Variants in NRCAM observed in about 807,000 individuals in gnomAD.
The protein encoded by NRCAM is NgCAM-related cell adhesion molecule.
Under a neutral mutation model 156.5 loss-of-function variants are expected in NRCAM, and 83 were observed. The ratio of observed to expected loss-of-function variants is 0.53; its 90% CI spans 0.44 to 0.64. The LOEUF (loss-of-function observed/expected upper bound fraction) is 0.64, where lower values mean the gene tolerates loss of function less well. Among genes scored for constraint, NRCAM ranks in the 30% least tolerant of loss-of-function variants. The pLI, the probability that NRCAM is intolerant of heterozygous loss-of-function variation, is 0.00. For synonymous variants in NRCAM, 538 were observed against 563.9 expected, an observed-to-expected ratio of 0.95 and a Z score of 0.65; for missense variants, 1,417 against 1,597.3, an observed-to-expected ratio of 0.89 and a Z score of 1.92.
At chr7:108,176,404 A>G (rs1222425145) in intron 27 of NRCAM, 26 bp downstream of exon 27, 4 of 1,589,110 alleles carry the variant, frequency 2.5e-6, no homozygotes, top group South Asian at 2.2e-5. Context: ...TTATAATTAT[A>G]TGGATTTTAT....
At chr7:108,415,000 G>A (rs1486083552) in intron 1 of NRCAM, among the ~76,000 whole-genome samples, 1 of 152,128 alleles carries the variant, frequency 6.6e-6, no homozygotes, top group African/African-American at 2.4e-5. Flanking sequence ...GGGTTTGGAG[G>A]TGAAGGGCAT....
At chr7:108,177,456 T>C (rs2061046322) in intron 26 of NRCAM, among the ~76,000 whole-genome samples, 1 of 152,000 alleles carries the variant, frequency 6.6e-6, no homozygotes, top group South Asian at 2.1e-4. Flanking sequence ...ACCCCGTCTC[T>C]ACTAAAAATA....
chr7:108,273,884 T>C (rs2097482072), intron 3 of NRCAM, among the ~76,000 whole-genome samples: 1 of 152,238 alleles, frequency 6.6e-6, no homozygotes, highest in African/African-American at 2.4e-5. Flanking sequence ...GGGCCTAACA[T>C]TTAAATCTTT....
At chr7:108,171,690 T>C (rs112500260) in intron 28 of NRCAM, among the ~76,000 whole-genome samples, 1 of 152,104 alleles carries the variant, frequency 6.6e-6, no homozygotes, top group Non-Finnish European at 1.5e-5. Flanking sequence ...TAGTTTAGCG[T>C]CAATTTATTA....
At chr7:108,319,847 G>A (rs1332369572) in intron 2 of NRCAM, among the ~76,000 whole-genome samples, 1 of 152,222 alleles carries the variant, frequency 6.6e-6, no homozygotes, top group Non-Finnish European at 1.5e-5. Context: ...GGCTGACAAA[G>A]CAGACAGAGG....
intron 2 of NRCAM, among the ~76,000 whole-genome samples, chr7:108,391,713 C>A (rs564999046): frequency 6.6e-6 from 1 of 152,084 alleles, no homozygotes; most frequent in Non-Finnish European, 1.5e-5. Context: ...TGGCTGGTGC[C>A]GGTTATTCCT....
intron 14 of NRCAM, among the ~76,000 whole-genome samples, chr7:108,196,552 A>G (rs1480102163): frequency 6.6e-6 from 1 of 152,238 alleles, no homozygotes; most frequent in Non-Finnish European, 1.5e-5. Context: ...AAAAGAAGAT[A>G]TACAAACAGC....
intron 3 of NRCAM, among the ~76,000 whole-genome samples, chr7:108,309,866 T>G (rs909417632): frequency 3.3e-5 from 5 of 152,160 alleles, no homozygotes; most frequent in Admixed American, 2.6e-4. Flanking sequence ...AAGAAAGAAA[T>G]AAATTAAATA....
At chr7:108,452,636 T>C (rs747739701) in intron 1 of NRCAM, among the ~76,000 whole-genome samples, 1 of 152,218 alleles carries the variant, frequency 6.6e-6, no homozygotes, top group African/African-American at 2.4e-5. Context: ...TAAATGTATT[T>C]AGTAATTTTC....
rs1046563206 is a variant in NRCAM at position 108,406,783 on chromosome 7, T to C, written c.-331-7190A>G. Among the ~76,000 whole-genome samples the C allele has an allele frequency of 3.9e-5, 6 of 152,354 alleles. No individual in the cohort carries two copies. In the South Asian group the frequency reaches 1.2e-3, roughly 32 times the overall value. ...GAAAAGCAACTGAACTTGTTCCAAC[T>C]TGAGCAGGAGTTTGTTTATTTTGCT... On this transcript the variant is annotated intron_variant, in intron 1 of 32. Coordinates refer to ENST00000379028, the MANE Select transcript of NRCAM (RefSeq NM_001037132.4).
chr7:108,173,281 C>T (rs1488246628), intron 28 of NRCAM, among the ~76,000 whole-genome samples: 5 of 152,090 alleles, frequency 3.3e-5, no homozygotes, highest in Non-Finnish European at 7.4e-5. Flanking sequence ...CCACCACGCC[C>T]GGCCATATTG....
chr7:108,278,311 T>C (rs796893403), intron 3 of NRCAM, among the ~76,000 whole-genome samples: 40 of 152,324 alleles, frequency 2.6e-4, no homozygotes, highest in African/African-American at 8.9e-4. Context: ...AGAAGTCGTC[T>C]GCTGCCTTTT....
chr7:108,420,039 C>CGTGTGTGTGTGTGTGTGTGT (rs35840496), intron 1 of NRCAM, among the ~76,000 whole-genome samples: 4 of 146,640 alleles, frequency 2.7e-5, no homozygotes, highest in African/African-American at 1.0e-4. Flanking sequence ...TTAGTTCCAT[C>CGTGTGTGTGTGTGTGTGTGT]GTGTGTGTGT....
rs186289808 is a variant in NRCAM, at chr7:108,181,448, A to G, written c.2646+374T>C. Among the ~76,000 whole-genome samples, 341 of 152,338 alleles carry G rather than the reference A, an allele frequency of 2.2e-3. 2 individuals are homozygous for G. Among genetic ancestry groups the G allele is most frequent in the African/African-American group, 7.7e-3 (322 of 41,572 alleles). ...ATTCTGAATTATTTTAAAAATGCCT[A>G]AATGATTATCAGGATAATTTTGTGT... On this transcript the variant is annotated intron_variant, in intron 24 of 32. Transcript: ENST00000379028.
At chr7:108,166,187 T>C (rs748330103) in intron 30 of NRCAM, among the ~76,000 whole-genome samples, 1 of 152,132 alleles carries the variant, frequency 6.6e-6, no homozygotes, top group African/African-American at 2.4e-5. Context: ...CTAAGCTGAC[T>C]GCAGGGTTCT....
chr7:108,182,242 G>A (rs4730295), intron 23 of NRCAM, among the ~76,000 whole-genome samples: 103,241 of 151,922 alleles, frequency 0.68, 37,149 homozygotes, highest in East Asian at 0.96. Context: ...TGAACAACAC[G>A]GGTTTGAACT....
intron 25 of NRCAM, 108 bp from the exon 26 acceptor site, chr7:108,178,220 C>T (rs2061693481): frequency 1.8e-6 from 2 of 1,125,156 alleles, no homozygotes; most frequent in Admixed American, 2.4e-5. Context: ...GTTTCAGTAA[C>T]TCATTCCTGA....
intron 13 of NRCAM, among the ~76,000 whole-genome samples, chr7:108,202,338 G>A (rs138646240): frequency 9.9e-5 from 15 of 152,208 alleles, no homozygotes; most frequent in African/African-American, 2.6e-4. Flanking sequence ...AACAGAGTAC[G>A]ATCAATCTTT....
At chr7:108,272,752 TTTTC>T (rs998676853) in intron 3 of NRCAM, among the ~76,000 whole-genome samples, 26 of 152,092 alleles carry the variant, frequency 1.7e-4, no homozygotes, top group African/African-American at 2.7e-4. Context: ...AATTCTATTT[TTTTC>T]TTTATTATTA....
Sources: gnomAD v4.1 joint callset for allele counts (sites outside exome capture counted in the v4.1 genomes callset) on GRCh38, gnomAD v4.1.1 for gene constraint, MANE v1.5 for transcripts, NCBI Gene and HGNC (gene_info 2026-07-23, HGNC 2026-07-21) for gene names.